Variants in DDX60L observed in about 807,000 individuals in gnomAD.
The protein encoded by DDX60L is DExD/H-box 60 like, also known as probable ATP-dependent RNA helicase DDX60-like.
A neutral mutation model predicts 211.6 loss-of-function variants in DDX60L; 191 were observed. That is an observed-to-expected ratio of 0.90 (90% CI 0.80 to 1.02). The LOEUF (loss-of-function observed/expected upper bound fraction) is 1.02. DDX60L is among the 50% of genes least tolerant of loss of function. The probability of loss-of-function intolerance (pLI) is 0.00; values close to 1 mark genes in which losing one functional copy is unlikely to be tolerated. For synonymous variants in DDX60L, 706 were observed against 694.1 expected, an observed-to-expected ratio of 1.02 and a Z score of -0.27; for missense variants, 2,007 against 1,984.1, an observed-to-expected ratio of 1.01 and a Z score of -0.22.
At chr4:168,395,820 A>C (rs1745660031) in intron 27 of DDX60L, 139 bp downstream of exon 27, 3 of 657,542 alleles carry the variant, frequency 4.6e-6, no homozygotes, top group Non-Finnish European at 7.6e-6. Flanking sequence ...AATCATTGCA[A>C]AACAAACAAA....
At chr4:168,431,812 T>C (rs1029102633) in intron 12 of DDX60L, among the ~76,000 whole-genome samples, 2 of 152,202 alleles carry the variant, frequency 1.3e-5, no homozygotes, top group Non-Finnish European at 2.9e-5. Context: ...AAAAGATCTA[T>C]GAATTCCTTT....
rs114035968 is a variant in DDX60L, at chr4:168,474,690, A to T, written c.-110-1881T>A. The stretch of plus-strand genomic sequence containing the variant: ...AAAACAGAATCCCAAGTTAAAAGAC[A>T]GAGTCCAGAAAGACAATGAGATAGA... On this transcript the variant is annotated intron_variant, in intron 1 of 37. Coordinates refer to ENST00000682922, the MANE Select transcript of DDX60L (RefSeq NM_001012967.3). 1.6e-3 allele frequency among the ~76,000 whole-genome samples: 247 copies of T among 152,298 alleles called. 2 individuals are homozygous for T. Among genetic ancestry groups the T allele is most frequent in the African/African-American group, 5.7e-3 (238 of 41,594 alleles).
intron 1 of DDX60L, among the ~76,000 whole-genome samples, chr4:168,479,721 C>G (rs1321588668): frequency 6.6e-6 from 1 of 152,074 alleles, no homozygotes; most frequent in Admixed American, 6.6e-5. Flanking sequence ...GTAATCCCAG[C>G]ACTTTGGGCG....
chr4:168,378,148 C>T lies in DDX60L; in HGVS notation c.4485+206G>A, dbSNP rs17649795. On this transcript the variant is annotated intron_variant, in intron 33 of 37. Coordinates refer to ENST00000682922, the MANE Select transcript of DDX60L (RefSeq NM_001012967.3). ...AATTTGCTCCAATAAAGTGAAAAAA[C>T]TTTAGGGATAAGAATTGTTTGTTAG... Among the ~76,000 whole-genome samples the T allele has an allele frequency of 6.4e-4, 97 of 152,216 alleles. No individual in the cohort carries two copies. In the East Asian group the frequency reaches 0.019, roughly 29 times the overall value.
intron 36 of DDX60L, among the ~76,000 whole-genome samples, chr4:168,365,714 C>G (rs1048465851): frequency 3.3e-5 from 5 of 151,970 alleles, no homozygotes; most frequent in Non-Finnish European, 5.9e-5. Context: ...GATAAGGATA[C>G]AGCAACAACA....
rs949851723 is a variant in DDX60L, at chr4:168,390,050, A to G, written c.3915+1490T>C. The stretch of plus-strand genomic sequence containing the variant: ...TTGAGGGATGTAAGTGCAAGGGGCA[A>G]TTCCCAGAAAGGTCTGCCACCTGAC... On this transcript the variant is annotated intron_variant, in intron 29 of 37. Coordinates refer to ENST00000682922, the MANE Select transcript of DDX60L (RefSeq NM_001012967.3). 2.3e-5 allele frequency: 18 copies of G among 775,158 alleles called. No homozygotes were observed. The South Asian group carries it at 8.8e-4, about 38-fold the overall frequency. The allele number at this position is 775,158 out of a possible 1,614,324, so 48.0% of individuals were successfully genotyped here. A position where few individuals can be genotyped will look rare whatever the true frequency, so the allele number is the denominator to read the frequency against.
intron 36 of DDX60L, among the ~76,000 whole-genome samples, chr4:168,369,670 C>G (rs1157182491): frequency 1.3e-5 from 2 of 151,882 alleles, no homozygotes; most frequent in African/African-American, 4.8e-5. Context: ...AGAAAAATAT[C>G]GACACACTAT....
At chr4:168,410,010 T>C (rs1322557597) in intron 22 of DDX60L, among the ~76,000 whole-genome samples, 1 of 152,210 alleles carries the variant, frequency 6.6e-6, no homozygotes, top group East Asian at 1.9e-4. Flanking sequence ...TTTGCAATCA[T>C]CATTCCACAA....
At chr4:168,381,795 T>G (rs1022095805) in intron 30 of DDX60L, among the ~76,000 whole-genome samples, 4 of 151,998 alleles carry the variant, frequency 2.6e-5, no homozygotes, top group Admixed American at 6.6e-5. Flanking sequence ...TCCAAAAAAT[T>G]TATGCCAGGT....
chr4:168,445,873 T>G lies in DDX60L; in HGVS notation c.1138+2765A>C, dbSNP rs13111076. 1.4e-4 allele frequency among the ~76,000 whole-genome samples: 7 copies of G among 50,396 alleles called. 1 individual carries two copies. The highest frequency in any genetic ancestry group is 4.3e-4 in the Admixed American group (2 of 4,656). The allele number at this position is 50,396 out of a possible 152,430, so 33.1% of individuals were successfully genotyped here. ...CTCAATAAATTAGGTATTGATGGGA[T>G]GTATTTCAAAATAATAAGAGCTATC... On this transcript the variant is annotated intron_variant, in intron 9 of 37. Coordinates refer to ENST00000682922, the MANE Select transcript of DDX60L (RefSeq NM_001012967.3).
intron 4 of DDX60L, among the ~76,000 whole-genome samples, chr4:168,468,070 G>A (rs778371554): frequency 1.6e-4 from 24 of 152,140 alleles, no homozygotes; most frequent in Non-Finnish European, 2.2e-4. Flanking sequence ...AGGAGGCTGA[G>A]ATAGAAGAAT....
At chr4:168,477,876 A>T (rs1759802332) in intron 1 of DDX60L, among the ~76,000 whole-genome samples, 1 of 152,228 alleles carries the variant, frequency 6.6e-6, no homozygotes, top group African/African-American at 2.4e-5. Context: ...TGACCAAGGA[A>T]GAATGGGAAA....
At chr4:168,362,760 G>A (rs1739318690) in intron 36 of DDX60L, among the ~76,000 whole-genome samples, 1 of 152,182 alleles carries the variant, frequency 6.6e-6, no homozygotes, top group Non-Finnish European at 1.5e-5. Context: ...CTGGTCTTTT[G>A]AAATAACCAG....
intron 22 of DDX60L, among the ~76,000 whole-genome samples, chr4:168,414,695 T>C (rs1749238522): frequency 6.6e-6 from 1 of 152,016 alleles, no homozygotes; most frequent in Non-Finnish European, 1.5e-5. Flanking sequence ...AATAAGATCC[T>C]ATCGTTTGCA....
At chr4:168,451,611 C>T (rs1389077619) in intron 8 of DDX60L, among the ~76,000 whole-genome samples, 2 of 152,174 alleles carry the variant, frequency 1.3e-5, no homozygotes, top group Non-Finnish European at 2.9e-5. Context: ...TTCCTCACCT[C>T]TATATTTGGA....
intron 7 of DDX60L, 125 bp downstream of exon 7, chr4:168,455,914 G>A: frequency 1.6e-6 from 1 of 625,856 alleles, no homozygotes; most frequent in Non-Finnish European, 2.7e-6. Flanking sequence ...TCCTAATGAA[G>A]AAAATGGCGG....
At chr4:168,416,626 C>T in intron 20 of DDX60L, 56 bp downstream of exon 20, 2 of 1,000,696 alleles carry the variant, frequency 2.0e-6, no homozygotes, top group Non-Finnish European at 2.9e-6. Context: ...ACCATATAGA[C>T]AGTATATAAT....
intron 1 of DDX60L, among the ~76,000 whole-genome samples, chr4:168,473,919 G>A (rs1561147575): frequency 6.6e-6 from 1 of 152,144 alleles, no homozygotes; most frequent in Admixed American, 6.5e-5. Flanking sequence ...AAGTAGAAAA[G>A]TATTTATAGC....
At chr4:168,448,029 A>T (rs1044835529) in intron 9 of DDX60L, among the ~76,000 whole-genome samples, 5 of 145,030 alleles carry the variant, frequency 3.4e-5, no homozygotes, top group Non-Finnish European at 4.6e-5. Context: ...AAAGTATAAT[A>T]AAAAAAAAAG....
Sources: allele counts gnomAD v4.1 joint callset (sites outside exome capture counted in the v4.1 genomes callset), GRCh38; gene constraint gnomAD v4.1.1; transcripts MANE v1.5; gene names NCBI Gene and HGNC (gene_info 2026-07-23, HGNC 2026-07-21).